Variants in UNC13B observed in about 807,000 individuals in gnomAD.
UNC13B encodes protein unc-13 homolog B.
UNC13B carries 144 observed loss-of-function variants against 211.0 expected under a neutral mutation model. That is an observed-to-expected ratio of 0.68 (90% CI 0.60 to 0.78). The LOEUF is 0.78. Ranked by LOEUF, UNC13B falls within the 30% of genes least tolerant of loss-of-function variation. The probability of loss-of-function intolerance (pLI) is 0.00; values close to 1 mark genes in which losing one functional copy is unlikely to be tolerated. For missense variants in UNC13B, 1,777 were observed against 2,002.0 expected, an observed-to-expected ratio of 0.89 and a Z score of 2.14; for synonymous variants, 709 against 725.8, an observed-to-expected ratio of 0.98 and a Z score of 0.37.
chr9:35,399,899 G>C (rs1836176810), intron 36 of UNC13B, among the ~76,000 whole-genome samples, 170 bp downstream of exon 36: 1 of 152,158 alleles, frequency 6.6e-6, no homozygotes, highest in African/African-American at 2.4e-5. Flanking sequence ...AATTCAAGAT[G>C]CTTATCATTG....
In UNC13B at chr9:35,302,097, C is replaced by T. The variant is rs1239186425; in HGVS notation, c.2693C>T (p.Thr898Ile). The change falls in exon 9 of 40, where the codon ACT becomes ATT. Residue 898 changes from threonine (T) to isoleucine (I), a missense_variant. Transcript: ENST00000635942. ...TTTTCTTTCACTGACAGCAAGGTTA[C>T]TGTTAATGACCAGAGTTTACGTGGC... ...FKFSFTDSKVTVNDQSLRGSA... is the reference protein window; with the variant it reads ...FKFSFTDSKVIVNDQSLRGSA... 1.8e-5 allele frequency: 7 copies of T among 398,604 alleles called. No homozygotes were observed. Among genetic ancestry groups the T allele is most frequent in the Non-Finnish European group, 2.7e-5 (6 of 225,832 alleles). 24.7% of individuals were successfully genotyped at this position (398,604 alleles called of 1,614,324 possible).
At position 35,307,881 on chromosome 9, in the gene UNC13B, G is replaced by GTGTA; in HGVS notation, c.8479_8482dup (p.Leu2828CysfsTer5). 2.5e-6 allele frequency: 1 copy of GTGTA among 398,990 alleles called. No homozygotes were observed. Among genetic ancestry groups the GTGTA allele is most frequent in the Non-Finnish European group, 4.4e-6 (1 of 226,090 alleles). 24.7% of individuals were successfully genotyped at this position (398,990 alleles called of 1,614,324 possible). ...GAGGGAAGTAGTGAGGGGAAAGGGA[G>GTGTA]TGTATTAGCAAGTGATTCAAAACTA... On this transcript the variant is annotated frameshift_variant, in exon 9 of 40. Coordinates refer to ENST00000635942, the MANE Select transcript of UNC13B (RefSeq NM_001371189.2). LOFTEE classifies it high-confidence loss of function.
chr9:35,321,296 C>A (rs1830724758), intron 11 of UNC13B, among the ~76,000 whole-genome samples: 1 of 152,154 alleles, frequency 6.6e-6, no homozygotes, highest in Admixed American at 6.6e-5. Flanking sequence ...GCACAGCTCA[C>A]TGCAGCCTTG....
At chr9:35,214,286 G>C (rs182230210) in intron 1 of UNC13B, among the ~76,000 whole-genome samples, 1 of 152,066 alleles carries the variant, frequency 6.6e-6, no homozygotes, top group African/African-American at 2.4e-5. Context: ...AAATAGCTGG[G>C]TGTAGTGGTG....
At chr9:35,181,155 C>T (rs894118859) in intron 1 of UNC13B, among the ~76,000 whole-genome samples, 16 of 152,070 alleles carry the variant, frequency 1.1e-4, no homozygotes, top group African/African-American at 2.4e-4. Context: ...TATTAGTGTC[C>T]TGAGTTTTTC....
chr9:35,175,202 T>C (rs556335060), intron 1 of UNC13B, among the ~76,000 whole-genome samples: 20 of 152,270 alleles, frequency 1.3e-4, no homozygotes, highest in Admixed American at 5.9e-4. Context: ...ATATATTGAA[T>C]TGAATGTATC....
intron 1 of UNC13B, among the ~76,000 whole-genome samples, chr9:35,213,162 C>A (rs578052794): frequency 6.6e-6 from 1 of 152,308 alleles, no homozygotes; most frequent in East Asian, 1.9e-4. Flanking sequence ...TGCCCTCCAC[C>A]AAATCCCTAT....
At chr9:35,335,755 T>C (rs766047692) in intron 11 of UNC13B, among the ~76,000 whole-genome samples, 1 of 150,202 alleles carries the variant, frequency 6.7e-6, no homozygotes, top group African/African-American at 2.4e-5. Flanking sequence ...AGTGGCACAA[T>C]CACGGCTCAC....
chr9:35,386,140 C>T (rs371594701), intron 23 of UNC13B, 25 bp from the exon 24 acceptor site: 35 of 1,613,708 alleles, frequency 2.2e-5, no homozygotes, highest in Non-Finnish European at 2.9e-5. Flanking sequence ...GTCCTTGGGC[C>T]CATATTTCTT....
intron 23 of UNC13B, 59 bp from the exon 24 acceptor site, chr9:35,386,106 A>T (rs1040246406): frequency 6.2e-7 from 1 of 1,609,384 alleles, no homozygotes; most frequent in Non-Finnish European, 8.5e-7. Flanking sequence ...TAGTGCTAGG[A>T]GAATATCCCA....
intron 1 of UNC13B, among the ~76,000 whole-genome samples, chr9:35,170,288 C>G (rs746422955): frequency 2.0e-5 from 3 of 151,944 alleles, no homozygotes; most frequent in African/African-American, 4.8e-5. Context: ...GACTCAGTCT[C>G]CTGAGTAGCT....
At chr9:35,219,509 T>TG (rs1315806920) in intron 1 of UNC13B, among the ~76,000 whole-genome samples, 2 of 150,896 alleles carry the variant, frequency 1.3e-5, no homozygotes. Flanking sequence ...CCTAGCTACT[T>TG]GGGAGGCTAA....
intron 7 of UNC13B, among the ~76,000 whole-genome samples, chr9:35,289,522 G>A (rs1326571928): frequency 6.6e-6 from 1 of 152,150 alleles, no homozygotes; most frequent in Admixed American, 6.5e-5. Context: ...ACTGTGCCTA[G>A]CATTTTACAT....
intron 1 of UNC13B, among the ~76,000 whole-genome samples, chr9:35,209,285 A>T (rs960230982): frequency 2.0e-5 from 3 of 152,078 alleles, no homozygotes; most frequent in African/African-American, 7.2e-5. Context: ...GCTAGTCTTG[A>T]TCTCCTGACC....
chr9:35,352,299 A>T (rs1410471568), intron 11 of UNC13B: 1 of 1,232,066 alleles, frequency 8.1e-7, no homozygotes, highest in Non-Finnish European at 1.0e-6. Flanking sequence ...AGGTACATTA[A>T]AAAGGCTTAC....
At chr9:35,203,373 A>G (rs955762152) in intron 1 of UNC13B, among the ~76,000 whole-genome samples, 11 of 152,112 alleles carry the variant, frequency 7.2e-5, no homozygotes, top group Non-Finnish European at 1.2e-4. Flanking sequence ...ATCTCTCAGC[A>G]TTTGTTTGTC....
intron 6 of UNC13B, among the ~76,000 whole-genome samples, chr9:35,257,449 C>T (rs1230175991): frequency 7.0e-6 from 1 of 142,476 alleles, no homozygotes; most frequent in Non-Finnish European, 1.5e-5. Flanking sequence ...TGTTTGGTGG[C>T]TCACGCCTGT....
At chr9:35,276,659 T>C (rs1262980635) in intron 7 of UNC13B, among the ~76,000 whole-genome samples, 1 of 152,206 alleles carries the variant, frequency 6.6e-6, no homozygotes, top group African/African-American at 2.4e-5. Context: ...TATAAAAGTC[T>C]TCAAATGATT....
At chr9:35,216,847 A>G (rs747458322) in intron 1 of UNC13B, among the ~76,000 whole-genome samples, 8 of 152,216 alleles carry the variant, frequency 5.3e-5, no homozygotes, top group Non-Finnish European at 8.8e-5. Flanking sequence ...TAAAAACATA[A>G]TCCAACTATG....
Sources: allele counts gnomAD v4.1 joint callset (sites outside exome capture counted in the v4.1 genomes callset), GRCh38; gene constraint gnomAD v4.1.1; transcripts MANE v1.5; gene names NCBI Gene and HGNC (gene_info 2026-07-23, HGNC 2026-07-21).